Variants in FAM227B observed in about 807,000 individuals in gnomAD.
FAM227B encodes the protein protein FAM227B.
FAM227B carries 88 observed loss-of-function variants against 73.8 expected under a neutral mutation model. The observed-to-expected ratio is 1.19, with a 90% CI of 1.00 to 1.42. FAM227B has a LOEUF of 1.42. Among genes scored for constraint, FAM227B ranks in the 40% most tolerant of loss-of-function variants. FAM227B has a pLI of 0.00. For missense variants in FAM227B, 632 were observed against 590.9 expected, an observed-to-expected ratio of 1.07 and a Z score of -0.72; for synonymous variants, 210 against 190.5, an observed-to-expected ratio of 1.10 and a Z score of -0.84.
rs1318753324 is a variant in FAM227B at position 49,355,458 on chromosome 15, G to A, written c.1271+11990C>T. Among the ~76,000 whole-genome samples, 13 of 152,312 alleles carry A rather than the reference G, an allele frequency of 8.5e-5. No homozygotes were observed. In the East Asian group the frequency reaches 2.5e-3, roughly 29 times the overall value. On this transcript the variant is annotated intron_variant, in intron 13 of 15. Coordinates refer to ENST00000299338, the MANE Select transcript of FAM227B (RefSeq NM_152647.3). ...CGTGAAGAATGCAGAAGCCTCAGGAGCCGATGCGATCAACTGGAAGAAAGG... is the reference window on the plus strand; with the variant it reads ...CGTGAAGAATGCAGAAGCCTCAGGAACCGATGCGATCAACTGGAAGAAAGG...
chr15:49,417,663 A>C (rs1256455703), intron 11 of FAM227B, among the ~76,000 whole-genome samples: 2 of 152,170 alleles, frequency 1.3e-5, no homozygotes, highest in African/African-American at 4.8e-5. Context: ...CACGTACAAA[A>C]ATAAACTAAA....
rs1027947228 is a variant in FAM227B, at chr15:49,347,399, A to G, written c.1272-11903T>C. ...TTAGTGCAGGGTTGTTTAAAAGTAGATGAAGGTGCTTCTCCTTTCTACTAT... is the reference window on the plus strand; with the variant it reads ...TTAGTGCAGGGTTGTTTAAAAGTAGGTGAAGGTGCTTCTCCTTTCTACTAT... On this transcript the variant is annotated intron_variant, in intron 13 of 15. Transcript: ENST00000299338. Among the ~76,000 whole-genome samples, 3 of 152,190 alleles carry G rather than the reference A, an allele frequency of 2.0e-5. No individual in the cohort carries two copies. In the East Asian group the frequency reaches 5.8e-4, roughly 29 times the overall value.
At chr15:49,371,574 A>T (rs2045808544) in intron 11 of FAM227B, among the ~76,000 whole-genome samples, 175 bp from the exon 12 acceptor site, 1 of 152,004 alleles carries the variant, frequency 6.6e-6, no homozygotes, top group African/African-American at 2.4e-5. Context: ...TAAATATTTC[A>T]TATTTTTACT....
intron 10 of FAM227B, among the ~76,000 whole-genome samples, chr15:49,539,348 C>T (rs2070730549): frequency 6.6e-6 from 1 of 152,202 alleles, no homozygotes; most frequent in Admixed American, 6.5e-5. Flanking sequence ...TTCATGCCCA[C>T]AGATATCCCT....
chr15:49,591,070 G>C (rs200190263), intron 3 of FAM227B, among the ~76,000 whole-genome samples: 1 of 99,246 alleles, frequency 1.0e-5, no homozygotes, highest in East Asian at 3.4e-4. Context: ...TTTTGAGACA[G>C]AGTCTCGCTC....
intron 8 of FAM227B, among the ~76,000 whole-genome samples, chr15:49,569,517 A>G (rs1201022365): frequency 4.6e-5 from 7 of 151,938 alleles, no homozygotes; most frequent in Non-Finnish European, 1.0e-4. Context: ...CGTATAAATC[A>G]TAATTGTGTT....
chr15:49,385,599 G>GAA (rs35705965), intron 11 of FAM227B, among the ~76,000 whole-genome samples: 1 of 133,352 alleles, frequency 7.5e-6, no homozygotes, highest in Non-Finnish European at 1.7e-5. Flanking sequence ...GTAACACAAT[G>GAA]AAAAAAAAAA....
chr15:49,604,431 T>A (rs1296913094), intron 3 of FAM227B, among the ~76,000 whole-genome samples: 1 of 152,176 alleles, frequency 6.6e-6, no homozygotes, highest in East Asian at 1.9e-4. Flanking sequence ...TATAATCTTA[T>A]AACTGTATAT....
At chr15:49,488,474 T>C (rs2056593660) in intron 11 of FAM227B, 1 of 151,952 alleles carries the variant, frequency 6.6e-6, no homozygotes. Context: ...TCCAATAACA[T>C]CTGATTTCTC....
chr15:49,341,557 GC>G (rs1237247281), intron 13 of FAM227B, among the ~76,000 whole-genome samples: 1 of 152,064 alleles, frequency 6.6e-6, no homozygotes, highest in South Asian at 2.1e-4. Context: ...TCACCATGTT[GC>G]CCAGGCTGGT....
At chr15:49,511,509 T>C (rs1357344047) in intron 10 of FAM227B, among the ~76,000 whole-genome samples, 1 of 152,090 alleles carries the variant, frequency 6.6e-6, no homozygotes, top group Non-Finnish European at 1.5e-5. Context: ...GCAGGTTTGT[T>C]ATATAGATAA....
chr15:49,378,314 AT>A (rs545798365), intron 11 of FAM227B, among the ~76,000 whole-genome samples: 161 of 140,844 alleles, frequency 1.1e-3, no homozygotes, highest in Middle Eastern at 3.7e-3. Flanking sequence ...TTCTTTTAGG[AT>A]TTTTTTTTTC....
At chr15:49,393,943 A>C (rs1179680382) in intron 11 of FAM227B, among the ~76,000 whole-genome samples, 3 of 152,220 alleles carry the variant, frequency 2.0e-5, no homozygotes, top group Non-Finnish European at 4.4e-5. Context: ...TGCATGGGGA[A>C]GGACAGACTG....
chr15:49,334,888 C>T (rs996639211), intron 14 of FAM227B, among the ~76,000 whole-genome samples: 2 of 152,196 alleles, frequency 1.3e-5, no homozygotes, highest in African/African-American at 4.8e-5. Context: ...TGGATATTCT[C>T]TCATTAACCC....
chr15:49,481,799 A>T (rs1306593049), intron 11 of FAM227B, among the ~76,000 whole-genome samples: 1 of 152,182 alleles, frequency 6.6e-6, no homozygotes, highest in Non-Finnish European at 1.5e-5. Context: ...CCCAATTTCT[A>T]GATGAGTAGC....
At chr15:49,461,952 T>C (rs2053837431) in intron 11 of FAM227B, among the ~76,000 whole-genome samples, 3 of 152,138 alleles carry the variant, frequency 2.0e-5, no homozygotes. Flanking sequence ...GGCAGATTAC[T>C]TGAGGTAAGG....
chr15:49,341,393 TG>T (rs1218323144), intron 13 of FAM227B, among the ~76,000 whole-genome samples: 1 of 152,218 alleles, frequency 6.6e-6, no homozygotes, highest in Admixed American at 6.5e-5. Context: ...GAGCATAGGA[TG>T]TTTTTTCATT....
intron 11 of FAM227B, chr15:49,489,201 A>C: frequency 1.2e-5 from 12 of 971,990 alleles, no homozygotes; most frequent in Non-Finnish European, 1.3e-5. Context: ...GCCATTTTAC[A>C]GGCTGCCTGA....
At chr15:49,444,559 T>A (rs565032762) in intron 11 of FAM227B, among the ~76,000 whole-genome samples, 3 of 151,782 alleles carry the variant, frequency 2.0e-5, no homozygotes, top group African/African-American at 7.2e-5. Flanking sequence ...AAACGTTATG[T>A]GTGTGAGAGA....
Sources: allele counts gnomAD v4.1 joint callset (sites outside exome capture counted in the v4.1 genomes callset), GRCh38; gene constraint gnomAD v4.1.1; transcripts MANE v1.5; gene names NCBI Gene and HGNC (gene_info 2026-07-23, HGNC 2026-07-21).